GLDN: variants seen among roughly 807,000 people sequenced by gnomAD.
GLDN encodes collomin.
A neutral mutation model predicts 56.5 loss-of-function variants in GLDN; 47 were observed. The observed-to-expected ratio is 0.83, with a 90% confidence interval of 0.66 to 1.06. GLDN has a LOEUF of 1.06. Among genes scored for constraint, GLDN ranks in the 50% least tolerant of loss-of-function variants. The pLI, the probability that GLDN is intolerant of heterozygous loss-of-function variation, is 0.00. For synonymous variants in GLDN, 332 were observed against 278.8 expected (o/e 1.19, Z -1.90); for missense variants, 782 against 714.3 (o/e 1.09, Z -1.08).
In GLDN at chr15:51,404,508, C is replaced by A; in HGVS notation, c.1410C>A (p.Ser470=). 1 of 1,614,144 alleles carries A rather than the reference C, an allele frequency of 6.2e-7. No individual in the cohort carries two copies. Reference sequence around the variant, plus strand: ...ACGTCAATACCACGTACCCTAAATCCAAGGCTGGCAACGCCTTCATTGCCC... The same window carrying A: ...ACGTCAATACCACGTACCCTAAATCAAAGGCTGGCAACGCCTTCATTGCCC... ...VQHVNTTYPK[S]KAGNAFIARG... Residue 470 remains serine, a synonymous_variant, in exon 10 of 10, where the codon TCC becomes TCA. Transcript: ENST00000335449.
chr15:51,373,913 C>A (rs1006964010), intron 1 of GLDN, among the ~76,000 whole-genome samples: 1 of 152,146 alleles, frequency 6.6e-6, no homozygotes, highest in Non-Finnish European at 1.5e-5. Flanking sequence ...TTGTGACTTT[C>A]AATTGGGAGT....
intron 4 of GLDN, among the ~76,000 whole-genome samples, chr15:51,394,314 C>G (rs2038078432): frequency 6.6e-6 from 1 of 152,182 alleles, no homozygotes; most frequent in Non-Finnish European, 1.5e-5. Flanking sequence ...CCAAATTTCT[C>G]TAAAAATAAT....
intron 1 of GLDN, among the ~76,000 whole-genome samples, chr15:51,355,945 C>T (rs575052094): frequency 2.3e-4 from 35 of 150,658 alleles, no homozygotes; most frequent in African/African-American, 5.8e-4. Flanking sequence ...TGGTGGCTCA[C>T]GCCTGTAATC....
intron 8 of GLDN, 62 bp downstream of exon 8, chr15:51,400,560 ACC>A: frequency 6.5e-7 from 1 of 1,546,630 alleles, no homozygotes; most frequent in South Asian, 1.2e-5. Flanking sequence ...TCTGTTGCCT[ACC>A]TTTGGGCGTA....
downstream of GLDN, among the ~76,000 whole-genome samples, chr15:51,412,187 C>T (rs1177211382): frequency 6.6e-6 from 1 of 152,214 alleles, no homozygotes; most frequent in African/African-American, 2.4e-5. Flanking sequence ...AGCTCACCCA[C>T]TGTCGCTCAG....
intron 1 of GLDN, among the ~76,000 whole-genome samples, chr15:51,353,734 A>AAAAAAAAAAAAAAAAAAAAAAAAAAAAAC (rs60404846): frequency 2.3e-5 from 3 of 128,880 alleles, no homozygotes; most frequent in Non-Finnish European, 4.9e-5. Flanking sequence ...AAAAAAAAAA[A>AAAAAAAAAAAAAAAAAAAAAAAAAAAAAC]CCACAGTCAA....
intron 1 of GLDN, among the ~76,000 whole-genome samples, chr15:51,376,102 T>C (rs1443435061): frequency 6.6e-6 from 1 of 152,246 alleles, no homozygotes; most frequent in African/African-American, 2.4e-5. Context: ...ACTACAGTCA[T>C]ATGTCATGTA....
intron 1 of GLDN, among the ~76,000 whole-genome samples, chr15:51,364,235 G>A (rs2037358660): frequency 6.6e-6 from 1 of 152,136 alleles, no homozygotes; most frequent in East Asian, 1.9e-4. Flanking sequence ...TTGTCTCATA[G>A]CTCACGAATA....
chr15:51,400,569 C>A, intron 8 of GLDN, 71 bp downstream of exon 8: 1 of 1,500,340 alleles, frequency 6.7e-7, no homozygotes, highest in Non-Finnish European at 9.1e-7. Context: ...TACCTTTGGG[C>A]GTATTCCATT....
At chr15:51,391,712 G>T (rs1444608030) in intron 4 of GLDN, among the ~76,000 whole-genome samples, 1 of 152,202 alleles carries the variant, frequency 6.6e-6, no homozygotes, top group Admixed American at 6.5e-5. Context: ...TGTGAGGGAG[G>T]TATTACAAGC....
chr15:51,389,481 G>T (rs1158042015), intron 4 of GLDN, among the ~76,000 whole-genome samples: 1 of 152,136 alleles, frequency 6.6e-6, no homozygotes, highest in African/African-American at 2.4e-5. Flanking sequence ...TTCATAGGAG[G>T]CAATACTGCC....
At chr15:51,386,796 G>A (rs932006120) in intron 4 of GLDN, among the ~76,000 whole-genome samples, 4 of 152,144 alleles carry the variant, frequency 2.6e-5, no homozygotes, top group Admixed American at 1.3e-4. Context: ...GGTCAGGTAG[G>A]CATCAAGACT....
At chr15:51,348,869 G>C (rs1056168739) in intron 1 of GLDN, among the ~76,000 whole-genome samples, 2 of 152,112 alleles carry the variant, frequency 1.3e-5, no homozygotes, top group African/African-American at 4.8e-5. Flanking sequence ...GCTTTATTTA[G>C]CTTGACCACA....
Position 51,383,450 on chromosome 15 carries a change from C to T in GLDN, c.430C>T (p.Pro144Ser). The change falls in exon 3 of 10, where the codon CCA (proline) becomes TCA (serine). Residue 144 changes from proline (P) to serine (S), a missense_variant. Transcript: ENST00000335449. ...TTCCGTTGTAGGACCTTCTGGACCA[C>T]CAGGTAAGAGCCCATGGATTTTCTA... ...GICLTGPSGP[P>S]GPPGAGGLPG... 1 of 1,613,960 alleles carries T rather than the reference C, an allele frequency of 6.2e-7. No homozygotes were observed. The highest frequency in any genetic ancestry group is 8.5e-7 in the Non-Finnish European group (1 of 1,179,932).
intron 4 of GLDN, among the ~76,000 whole-genome samples, chr15:51,386,534 G>A (rs1371808315): frequency 6.6e-6 from 1 of 152,210 alleles, no homozygotes; most frequent in Non-Finnish European, 1.5e-5. Flanking sequence ...TTCCTTCTGA[G>A]GGCCATGAGA....
At chr15:51,411,404 G>A (rs2038463916), downstream of GLDN, among the ~76,000 whole-genome samples, 1 of 152,238 alleles carries the variant, frequency 6.6e-6, no homozygotes, top group Non-Finnish European at 1.5e-5. Flanking sequence ...TCTGACATAT[G>A]GGATAAGATG....
intron 1 of GLDN, among the ~76,000 whole-genome samples, chr15:51,365,639 G>C (rs1474906435): frequency 6.6e-6 from 1 of 152,172 alleles, no homozygotes; most frequent in Admixed American, 6.5e-5. Flanking sequence ...AGAATTCAGA[G>C]TATGTCTGAC....
At chr15:51,382,008 C>A (rs2037773208) in intron 2 of GLDN, among the ~76,000 whole-genome samples, 1 of 152,128 alleles carries the variant, frequency 6.6e-6, no homozygotes, top group Admixed American at 6.5e-5. Flanking sequence ...ACCCACCATA[C>A]CCAGGTCCTT....
At chr15:51,362,955 AGG>A (rs35151563) in intron 1 of GLDN, among the ~76,000 whole-genome samples, 2 of 151,730 alleles carry the variant, frequency 1.3e-5, no homozygotes, top group East Asian at 1.9e-4. Flanking sequence ...GTGATGTGAG[AGG>A]GGAAAAAAAT....
Sources: allele counts gnomAD v4.1 joint callset (sites outside exome capture counted in the v4.1 genomes callset), GRCh38; gene constraint gnomAD v4.1.1; transcripts MANE v1.5; gene names NCBI Gene and HGNC (gene_info 2026-07-23, HGNC 2026-07-21).